The following MACROD2 variants were observed in gnomAD, a reference collection of about 807,000 sequenced individuals.
MACROD2 encodes mono-ADP ribosylhydrolase 2, also known as ADP-ribose glycohydrolase MACROD2.
Under a neutral mutation model 70.4 loss-of-function variants are expected in MACROD2, and 36 were observed. The observed-to-expected ratio is 0.51, with a 90% CI of 0.39 to 0.68. The LOEUF (loss-of-function observed/expected upper bound fraction) is 0.68. Among genes scored for constraint, MACROD2 ranks in the 30% least tolerant of loss-of-function variants. The probability of loss-of-function intolerance (pLI) is 0.00; values close to 1 mark genes in which losing one functional copy is unlikely to be tolerated. For synonymous variants in MACROD2, 172 were observed against 178.8 expected (o/e 0.96, Z 0.30); for missense variants, 496 against 538.4 (o/e 0.92, Z 0.78).
At chr20:15,869,210 C>CATTATATATATATATAT (rs1555788799) in intron 9 of MACROD2, among the ~76,000 whole-genome samples, 2 of 51,908 alleles carry the variant, frequency 3.9e-5, no homozygotes, top group African/African-American at 1.2e-4. Flanking sequence ...ATGTGATTAA[C>CATTATATATATATATAT]ATATATATAT....
intron 4 of MACROD2, among the ~76,000 whole-genome samples, chr20:14,591,514 T>G (rs1981769434): frequency 6.6e-6 from 1 of 152,224 alleles, no homozygotes; most frequent in South Asian, 2.1e-4. Flanking sequence ...CAGCTGCACC[T>G]GTGCTTAAAT....
At chr20:15,831,170 G>A (rs959576594) in intron 8 of MACROD2, among the ~76,000 whole-genome samples, 1 of 152,140 alleles carries the variant, frequency 6.6e-6, no homozygotes, top group African/African-American at 2.4e-5. Context: ...CTTTATGGGT[G>A]ATGTTCTCTC....
chr20:15,494,960 G>C (rs1488540885), intron 7 of MACROD2, among the ~76,000 whole-genome samples: 1 of 152,164 alleles, frequency 6.6e-6, no homozygotes. Context: ...CAGAATCTGT[G>C]TGCACCTGGA....
chr20:15,050,894 AG>A (rs1278277913), intron 5 of MACROD2, among the ~76,000 whole-genome samples: 1 of 152,146 alleles, frequency 6.6e-6, no homozygotes, highest in East Asian at 1.9e-4. Context: ...GTTGACTCAA[AG>A]GGTGTTCAAA....
intron 5 of MACROD2, among the ~76,000 whole-genome samples, chr20:15,021,242 GTGTGTATGTA>G (rs2075176087): frequency 1.6e-5 from 1 of 63,358 alleles, no homozygotes; most frequent in Admixed American, 1.5e-4. Context: ...ACACACACCT[GTGTGTATGTA>G]TACACACACC....
At chr20:16,033,853 G>T (rs758356499) in intron 15 of MACROD2, among the ~76,000 whole-genome samples, 5 of 151,418 alleles carry the variant, frequency 3.3e-5, no homozygotes, top group Non-Finnish European at 5.9e-5. Context: ...ATCACAGTAG[G>T]GGGTGGGGTG....
intron 3 of MACROD2, among the ~76,000 whole-genome samples, chr20:14,428,772 A>G (rs569067250): frequency 2.6e-4 from 40 of 152,300 alleles, no homozygotes; most frequent in African/African-American, 9.6e-4. Context: ...GATCATTGAA[A>G]TGGTATGTGA....
At chr20:15,646,082 T>C (rs1440810524) in intron 8 of MACROD2, among the ~76,000 whole-genome samples, 2 of 152,332 alleles carry the variant, frequency 1.3e-5, no homozygotes, top group Non-Finnish European at 1.5e-5. Flanking sequence ...CGGGGTTTCT[T>C]TTGTGATTCA....
chr20:14,388,693 A>G (rs1441842602), intron 3 of MACROD2, among the ~76,000 whole-genome samples: 2 of 152,022 alleles, frequency 1.3e-5, no homozygotes, highest in Non-Finnish European at 2.9e-5. Flanking sequence ...GCAGACCTCA[A>G]TCTATGGCAC....
chr20:15,906,803 T>C (rs1437859758), intron 10 of MACROD2, among the ~76,000 whole-genome samples: 1 of 152,224 alleles, frequency 6.6e-6, no homozygotes, highest in South Asian at 2.1e-4. Flanking sequence ...TGATGCATCT[T>C]TGAAGAACTA....
chr20:14,277,399 C>T (rs959699637), intron 3 of MACROD2, among the ~76,000 whole-genome samples: 12 of 152,152 alleles, frequency 7.9e-5, no homozygotes, highest in Admixed American at 7.2e-4. Context: ...GCAGTGATCA[C>T]GCCACTGCAC....
chr20:14,970,025 C>T (rs984892588), intron 5 of MACROD2, among the ~76,000 whole-genome samples: 1 of 152,082 alleles, frequency 6.6e-6, no homozygotes, highest in Non-Finnish European at 1.5e-5. Flanking sequence ...CATTCTCACG[C>T]TGCTATGAAA....
At chr20:15,133,125 A>T (rs2076118813) in intron 5 of MACROD2, among the ~76,000 whole-genome samples, 2 of 152,108 alleles carry the variant, frequency 1.3e-5, no homozygotes, top group East Asian at 3.8e-4. Flanking sequence ...AAATGTACTT[A>T]GAATCTTGGC....
chr20:14,492,777 A>T (rs900251900), intron 3 of MACROD2, among the ~76,000 whole-genome samples: 1 of 152,068 alleles, frequency 6.6e-6, no homozygotes, highest in African/African-American at 2.4e-5. Context: ...TTATATTTGG[A>T]TAAATTTAGG....
chr20:15,927,872 A>G (rs1452489712), intron 10 of MACROD2, among the ~76,000 whole-genome samples: 1 of 152,136 alleles, frequency 6.6e-6, no homozygotes, highest in Non-Finnish European at 1.5e-5. Context: ...GCCATTAAGC[A>G]GGACTGAGAA....
chr20:15,965,127 T>C (rs1449683564), intron 12 of MACROD2, among the ~76,000 whole-genome samples: 1 of 152,258 alleles, frequency 6.6e-6, no homozygotes, highest in African/African-American at 2.4e-5. Context: ...ATAGTGCATC[T>C]GGCAGCATTT....
intron 5 of MACROD2, among the ~76,000 whole-genome samples, chr20:15,105,515 T>C (rs1221274967): frequency 6.6e-6 from 1 of 152,050 alleles, no homozygotes; most frequent in African/African-American, 2.4e-5. Flanking sequence ...AGTAGGGTAT[T>C]GGGGTGCTGA....
intron 5 of MACROD2, among the ~76,000 whole-genome samples, chr20:14,727,757 G>A (rs1237025546): frequency 1.3e-5 from 2 of 152,090 alleles, no homozygotes; most frequent in African/African-American, 4.8e-5. Context: ...TCATAACACA[G>A]GAGAATCTGA....
At chr20:14,940,147 G>GAAA (rs2034570006) in intron 5 of MACROD2, among the ~76,000 whole-genome samples, 1 of 31,106 alleles carries the variant, frequency 3.2e-5, no homozygotes, top group Non-Finnish European at 6.5e-5. Flanking sequence ...CCTCATCTCT[G>GAAA]CAAAAAAAAA....
Sources: allele counts gnomAD v4.1 joint callset (sites outside exome capture counted in the v4.1 genomes callset), GRCh38; gene constraint gnomAD v4.1.1; transcripts MANE v1.5; gene names NCBI Gene and HGNC (gene_info 2026-07-23, HGNC 2026-07-21).